Variants in KLRG1 observed in about 807,000 individuals in gnomAD.
KLRG1 encodes the protein killer cell lectin like receptor G1, also known as killer cell lectin-like receptor subfamily G member 1.
KLRG1 carries 16 observed loss-of-function variants against 21.8 expected under a neutral mutation model. That is an observed-to-expected ratio of 0.73 (90% CI 0.50 to 1.11). The LOEUF is 1.11. KLRG1 is among the 50% of genes most tolerant of loss of function. KLRG1 has a pLI of 0.00. For missense variants in KLRG1, 173 were observed against 218.3 expected, an observed-to-expected ratio of 0.79 and a Z score of 1.31; for synonymous variants, 69 against 75.9, an observed-to-expected ratio of 0.91 and a Z score of 0.47.
At chr12:9,182,994 T>G in the KLRG1 span, among the ~76,000 whole-genome samples, 2 of 152,208 alleles carry the variant, frequency 1.3e-5, no homozygotes, top group Non-Finnish European at 2.9e-5. Flanking sequence ...CAGTAACATA[T>G]TCTTGGTGCA....
the KLRG1 span, among the ~76,000 whole-genome samples, chr12:9,087,198 C>G: frequency 6.6e-6 from 1 of 151,398 alleles, no homozygotes; most frequent in Admixed American, 6.6e-5. Context: ...TCCACACTAC[C>G]CAAAGCAATC....
At chr12:9,182,424 A>T in the KLRG1 span, among the ~76,000 whole-genome samples, 1 of 151,858 alleles carries the variant, frequency 6.6e-6, no homozygotes, top group African/African-American at 2.4e-5. Context: ...TTCTGCATAT[A>T]TATGTGACAA....
chr12:9,183,408 AT>A, the KLRG1 span, among the ~76,000 whole-genome samples: 2 of 151,258 alleles, frequency 1.3e-5, no homozygotes, highest in African/African-American at 4.9e-5. Flanking sequence ...AATAAATGTA[AT>A]TTTTTTTTGA....
the KLRG1 span, chr12:9,115,860 G>A: frequency 6.2e-7 from 1 of 1,610,124 alleles, no homozygotes. Flanking sequence ...GTTGCAGAAA[G>A]AAGGAGCTGG....
intron 1 of KLRG1, among the ~76,000 whole-genome samples, chr12:8,964,417 C>A (rs1946430560): frequency 6.6e-6 from 1 of 152,172 alleles, no homozygotes; most frequent in Non-Finnish European, 1.5e-5. Flanking sequence ...GTTATAATTT[C>A]TGTTCTTTTA....
chr12:9,107,459 G>A, the KLRG1 span: 1 of 1,575,414 alleles, frequency 6.3e-7, no homozygotes, highest in South Asian at 1.1e-5. Flanking sequence ...GAAAAATGCT[G>A]CAACTCACTG....
At chr12:9,117,917 C>A in the KLRG1 span, among the ~76,000 whole-genome samples, 1 of 151,762 alleles carries the variant, frequency 6.6e-6, no homozygotes, top group African/African-American at 2.4e-5. Flanking sequence ...TTTTCACAAG[C>A]TGGTGTGAAT....
At chr12:9,056,562 GGGGT>G in the KLRG1 span, among the ~76,000 whole-genome samples, 23 of 43,900 alleles carry the variant, frequency 5.2e-4, no homozygotes, top group Non-Finnish European at 6.1e-4. Context: ...TTTTACTTGG[GGGGT>G]GTGTGTGTGT....
At chr12:8,978,912 A>G (rs1946708961) in intron 1 of KLRG1, among the ~76,000 whole-genome samples, 1 of 151,112 alleles carries the variant, frequency 6.6e-6, no homozygotes, top group Non-Finnish European at 1.5e-5. Context: ...ACAGGGTTTC[A>G]CCATGTTGAC....
the KLRG1 span, among the ~76,000 whole-genome samples, chr12:9,124,893 C>T: frequency 6.6e-6 from 1 of 152,232 alleles, no homozygotes; most frequent in East Asian, 1.9e-4. Flanking sequence ...GTCCCTAGGA[C>T]TTGTGGTGCC....
chr12:9,122,993 A>T, the KLRG1 span, among the ~76,000 whole-genome samples: 1 of 152,152 alleles, frequency 6.6e-6, no homozygotes, highest in Admixed American at 6.5e-5. Flanking sequence ...AATTTTTTCC[A>T]TGTAATTAAA....
intron 1 of KLRG1, among the ~76,000 whole-genome samples, chr12:8,968,597 T>A (rs1447725748): frequency 1.3e-5 from 2 of 152,222 alleles, no homozygotes; most frequent in Non-Finnish European, 2.9e-5. Context: ...TTGAACAGCA[T>A]ATCAGTTAAA....
At chr12:9,142,839 C>T in the KLRG1 span, among the ~76,000 whole-genome samples, 3 of 152,164 alleles carry the variant, frequency 2.0e-5, no homozygotes, top group East Asian at 5.8e-4. Flanking sequence ...AGGGGTTCCA[C>T]AACGAAAACA....
chr12:9,162,843 C>T, the KLRG1 span, among the ~76,000 whole-genome samples: 1 of 152,064 alleles, frequency 6.6e-6, no homozygotes, highest in Non-Finnish European at 1.5e-5. Context: ...TAAATGTGTG[C>T]CATGGTGGTT....
the KLRG1 span, chr12:9,115,037 T>A: frequency 6.6e-6 from 1 of 152,222 alleles, no homozygotes; most frequent in Non-Finnish European, 1.5e-5. Flanking sequence ...TTACTATTTT[T>A]GTTTTGTGTA....
the KLRG1 span, chr12:9,067,541 C>T: frequency 4.1e-6 from 2 of 490,456 alleles, no homozygotes; most frequent in South Asian, 2.1e-5. Flanking sequence ...TTTCTTCTTT[C>T]CCCACAGTCC....
chr12:9,137,131 A>G, the KLRG1 span, among the ~76,000 whole-genome samples: 1 of 151,962 alleles, frequency 6.6e-6, no homozygotes, highest in Non-Finnish European at 1.5e-5. Flanking sequence ...CATGTCTTTT[A>G]TTTTTTCTTA....
At chr12:9,192,451 C>T in the KLRG1 span, 1 of 1,473,956 alleles carries the variant, frequency 6.8e-7, no homozygotes. Flanking sequence ...CATTCCTGAG[C>T]CTATTGACCA....
At chr12:9,032,950 A>AAG in the KLRG1 span, among the ~76,000 whole-genome samples, 1 of 152,162 alleles carries the variant, frequency 6.6e-6, no homozygotes, top group Admixed American at 6.5e-5. Flanking sequence ...CAAAACTTTG[A>AAG]GCCTTCAGGG....
Sources: gnomAD v4.1 joint callset for allele counts (sites outside exome capture counted in the v4.1 genomes callset) on GRCh38, gnomAD v4.1.1 for gene constraint, MANE v1.5 for transcripts, NCBI Gene and HGNC (gene_info 2026-07-23, HGNC 2026-07-21) for gene names.